Variants in GALNT13 observed in about 807,000 individuals in gnomAD.
The protein encoded by GALNT13 is polypeptide N-acetylgalactosaminyltransferase 13.
Under a neutral mutation model 64.2 loss-of-function variants are expected in GALNT13, and 28 were observed. The observed-to-expected ratio is 0.44, with a 90% CI of 0.32 to 0.60. The LOEUF (loss-of-function observed/expected upper bound fraction) is 0.60. Ranked by LOEUF, GALNT13 falls within the 20% of genes least tolerant of loss-of-function variation. The pLI, the probability that GALNT13 is intolerant of heterozygous loss-of-function variation, is 0.05. For missense variants in GALNT13, 577 were observed against 669.8 expected (o/e 0.86, Z 1.53); for synonymous variants, 214 against 224.6 (o/e 0.95, Z 0.42).
chr2:153,315,107 A>G, the GALNT13 span, among the ~76,000 whole-genome samples: 1 of 152,200 alleles, frequency 6.6e-6, no homozygotes, highest in African/African-American at 2.4e-5. Context: ...TTTCAAGAAA[A>G]GGGTTATTAT....
At chr2:153,330,333 T>C in the GALNT13 span, among the ~76,000 whole-genome samples, 1 of 152,218 alleles carries the variant, frequency 6.6e-6, no homozygotes, top group Non-Finnish European at 1.5e-5. Context: ...GGTAGTTTGA[T>C]AGGAATAGCA....
the GALNT13 span, among the ~76,000 whole-genome samples, chr2:153,386,770 C>A: frequency 6.6e-6 from 1 of 152,016 alleles, no homozygotes; most frequent in South Asian, 2.1e-4. Context: ...CACTTTATCC[C>A]CAAAAGGATC....
At chr2:153,429,898 A>G in the GALNT13 span, among the ~76,000 whole-genome samples, 13 of 152,184 alleles carry the variant, frequency 8.5e-5, no homozygotes, top group African/African-American at 3.1e-4. Context: ...CTTAATATTT[A>G]TATCATTTTT....
intron 3 of GALNT13, among the ~76,000 whole-genome samples, chr2:153,951,905 G>A (rs1692213463): frequency 1.3e-5 from 2 of 152,076 alleles, no homozygotes; most frequent in Admixed American, 6.6e-5. Flanking sequence ...GAATGATGTT[G>A]TAAAAAAGAA....
chr2:153,778,631 A>G, the GALNT13 span, among the ~76,000 whole-genome samples: 3 of 152,232 alleles, frequency 2.0e-5, no homozygotes, highest in African/African-American at 7.2e-5. Flanking sequence ...ATAATGGAAG[A>G]CACTTAATAC....
chr2:153,339,069 T>C, the GALNT13 span, among the ~76,000 whole-genome samples: 1 of 152,222 alleles, frequency 6.6e-6, no homozygotes, highest in Admixed American at 6.5e-5. Flanking sequence ...TGTTGAATAA[T>C]GCTGTAATAA....
At chr2:154,333,993 G>T (rs1695304896) in intron 9 of GALNT13, among the ~76,000 whole-genome samples, 1 of 152,034 alleles carries the variant, frequency 6.6e-6, no homozygotes, top group South Asian at 2.1e-4. Flanking sequence ...ACAGACAGCT[G>T]AGTTCATTAT....
chr2:154,115,307 GTTA>G lies in GALNT13; in HGVS notation c.143-25019_143-25017del, dbSNP rs977317072. Among the ~76,000 whole-genome samples the G allele has an allele frequency of 2.6e-5, 4 of 151,898 alleles. No homozygotes were observed. The East Asian group carries it at 5.8e-4, about 22-fold the overall frequency. Reference sequence around the variant, plus strand: ...ATTTTTATCTATTTTTATTATTATTGTTATTATTATTATACTTTAAGTTTTAGG... The same window carrying G: ...ATTTTTATCTATTTTTATTATTATTGTTATTATTATACTTTAAGTTTTAGG... On this transcript the variant is annotated intron_variant, in intron 3 of 12. Coordinates refer to ENST00000392825, the MANE Select transcript of GALNT13 (RefSeq NM_052917.4).
At chr2:153,955,478 T>C (rs1417580324) in intron 3 of GALNT13, among the ~76,000 whole-genome samples, 1 of 152,024 alleles carries the variant, frequency 6.6e-6, no homozygotes, top group African/African-American at 2.4e-5. Context: ...GAGAAATCAG[T>C]GAATTAGTTG....
the GALNT13 span, among the ~76,000 whole-genome samples, chr2:153,204,667 T>C: frequency 7.7e-6 from 1 of 130,008 alleles, no homozygotes; most frequent in Non-Finnish European, 1.7e-5. Flanking sequence ...TAGAATCTCT[T>C]GGTTCTTCCT....
At chr2:153,131,876 G>A in the GALNT13 span, among the ~76,000 whole-genome samples, 1 of 151,874 alleles carries the variant, frequency 6.6e-6, no homozygotes. Context: ...TATTTTCTAT[G>A]GGAAAGATGT....
intron 3 of GALNT13, among the ~76,000 whole-genome samples, chr2:154,084,735 G>C (rs535835248): frequency 2.0e-5 from 3 of 151,822 alleles, no homozygotes; most frequent in African/African-American, 7.2e-5. Flanking sequence ...TTATATAAAG[G>C]TTTCCTTCTT....
intron 4 of GALNT13, among the ~76,000 whole-genome samples, chr2:154,190,903 AC>A (rs1255555694): frequency 2.0e-5 from 3 of 152,248 alleles, no homozygotes; most frequent in Admixed American, 6.5e-5. Flanking sequence ...CTGATGAGAT[AC>A]TTTATATTCT....
At chr2:153,393,325 G>C in the GALNT13 span, among the ~76,000 whole-genome samples, 1 of 151,016 alleles carries the variant, frequency 6.6e-6, no homozygotes, top group African/African-American at 2.4e-5. Context: ...GCTCTCTCTA[G>C]TTTCTTTGTC....
At chr2:153,245,689 G>A in the GALNT13 span, among the ~76,000 whole-genome samples, 4 of 152,256 alleles carry the variant, frequency 2.6e-5, no homozygotes, top group East Asian at 7.7e-4. Flanking sequence ...TGAAGATGAG[G>A]AAAAACCAGT....
At chr2:153,232,902 G>T in the GALNT13 span, among the ~76,000 whole-genome samples, 53 of 152,244 alleles carry the variant, frequency 3.5e-4, no homozygotes, top group Admixed American at 3.2e-3. Flanking sequence ...GGATCCCAGG[G>T]CTGCTCCCAT....
chr2:154,116,264 C>T (rs957121707), intron 3 of GALNT13, among the ~76,000 whole-genome samples: 2 of 152,192 alleles, frequency 1.3e-5, no homozygotes, highest in African/African-American at 4.8e-5. Context: ...CCCACACATC[C>T]TCATTCCAAG....
the GALNT13 span, among the ~76,000 whole-genome samples, chr2:153,455,627 G>C: frequency 1.3e-5 from 2 of 152,144 alleles, no homozygotes; most frequent in African/African-American, 4.8e-5. Context: ...AGCAGTATCC[G>C]GGCAGGGTAC....
the GALNT13 span, among the ~76,000 whole-genome samples, chr2:153,152,449 A>C: frequency 1.4e-4 from 22 of 151,832 alleles, no homozygotes; most frequent in African/African-American, 5.1e-4. Context: ...TTCAGGGTAC[A>C]TGTGTAGATT....
Sources: allele counts gnomAD v4.1 joint callset (sites outside exome capture counted in the v4.1 genomes callset), GRCh38; gene constraint gnomAD v4.1.1; transcripts MANE v1.5; gene names NCBI Gene and HGNC (gene_info 2026-07-23, HGNC 2026-07-21).